Variants in MLLT6 observed in about 807,000 individuals in gnomAD.
MLLT6 encodes the protein protein AF-17.
A neutral mutation model predicts 103.0 loss-of-function variants in MLLT6; 22 were observed. That is an observed-to-expected ratio of 0.21 (90% CI 0.15 to 0.31). The LOEUF (loss-of-function observed/expected upper bound fraction) is 0.31, where lower values mean the gene tolerates loss of function less well. Among genes scored for constraint, MLLT6 ranks in the 10% least tolerant of loss-of-function variants. MLLT6 has a pLI of 1.00. For synonymous variants in MLLT6, 606 were observed against 623.5 expected (o/e 0.97, Z 0.42); for missense variants, 1,199 against 1,441.7 (o/e 0.83, Z 2.73).
In MLLT6 at chr17:38,724,843, C is replaced by G. The variant is rs200705736; in HGVS notation, c.3107C>G (p.Thr1036Arg). ...GTGGCTCCCTCGCTTGGCAACAACA[C>G]AAGTCTCATGGCCGCAGCAGCTGCA... ...ALVAPSLGNNTSLMAAAAAAA... is the reference protein window; with the variant it reads ...ALVAPSLGNNRSLMAAAAAAA... Residue 1036 changes from threonine (T) to arginine (R), a missense_variant, in exon 19 of 20, where the codon ACA (threonine) becomes AGA (arginine). Physicochemically the swap from Thr to Arg is moderately conservative, Grantham distance 71 (BLOSUM62 -1). This residue lies in a region of MLLT6 where 55 missense variants were observed against 93.3 expected (regional missense o/e 0.59). Transcript: ENST00000621332. The surrounding 1 kb of genome is among the most constrained non-coding windows in gnomAD (Gnocchi z 5.4). 9 of 1,587,670 alleles carry G rather than the reference C, an allele frequency of 5.7e-6. No homozygotes were observed. Among genetic ancestry groups the G allele is most frequent in the Admixed American group, 5.3e-5 (3 of 56,484 alleles).
At position 38,728,000 on chromosome 17, in the gene MLLT6, C is replaced by T. The variant is rs184913226; in HGVS notation, c.*2402C>T. On this transcript the variant is annotated 3_prime_UTR_variant, in exon 20 of 20. Coordinates refer to ENST00000621332, the MANE Select transcript of MLLT6 (RefSeq NM_005937.4). ...GTGCATTGAAACCAAGACACCCCAC[C>T]CAGAACACTTCTTCCCTCCCTCAGC... is the stretch of plus-strand genomic sequence containing the variant. 31 of 233,220 alleles carry T rather than the reference C, an allele frequency of 1.3e-4. No individual in the cohort carries two copies. In the East Asian group the frequency reaches 1.9e-3, roughly 14 times the overall value. 14.4% of individuals were successfully genotyped at this position (233,220 alleles called of 1,614,324 possible).
At position 38,724,197 on chromosome 17, in the gene MLLT6, A is replaced by C. The variant is rs1319795794; in HGVS notation, c.2884-423A>C. 1 of 158,102 alleles carries C rather than the reference A, an allele frequency of 6.3e-6. No homozygotes were observed. Among genetic ancestry groups the C allele is most frequent in the Non-Finnish European group, 1.4e-5 (1 of 72,370 alleles). 9.8% of individuals were successfully genotyped at this position (158,102 alleles called of 1,614,324 possible). On this transcript the variant is annotated intron_variant, in intron 18 of 19. Transcript: ENST00000621332. This position sits in a 1 kb window ranked among gnomAD's most constrained non-coding sequence, Gnocchi z 5.4. ...CTTGAACCCAGGAGGTGGAGGTTGC[A>C]GTCAGCCAATATCGCACCACTGTAC...
rs1904843979 is a variant in MLLT6, at chr17:38,705,333, C to CGGGCGAGCGGCGCGGAGG, written c.-291_-274dup. Among the ~76,000 whole-genome samples the CGGGCGAGCGGCGCGGAGG allele has an allele frequency of 7.1e-6, 1 of 140,822 alleles. No individual in the cohort carries two copies. The highest frequency in any genetic ancestry group is 1.6e-5 in the Non-Finnish European group (1 of 63,936). 92.4% of individuals were successfully genotyped at this position (140,822 alleles called of 152,430 possible). ...GCGGCGGCGGGGCGGCCCTAGGAGC[C>CGGGCGAGCGGCGCGGAGG]GGGCGAGCGGCGCGGAGGGGGCGAG... On this transcript the variant is annotated 5_prime_UTR_variant, in exon 1 of 20. Coordinates refer to ENST00000621332, the MANE Select transcript of MLLT6 (RefSeq NM_005937.4).
intron 10 of MLLT6, among the ~76,000 whole-genome samples, 155 bp downstream of exon 10, chr17:38,717,136 TGC>T (rs1905386962): frequency 6.6e-6 from 1 of 152,206 alleles, no homozygotes; most frequent in Non-Finnish European, 1.5e-5. Flanking sequence ...CCCCTCTGCA[TGC>T]GTGGAGTAGA....
Position 38,725,944 on chromosome 17 carries a change from A to G in MLLT6, c.*346A>G, listed in dbSNP as rs1488106490. ...AAGTAGGGGGTTGGTTGGACCTGTC[A>G]CATGAAATGGATCAGCACTTGAATG... On this transcript the variant is annotated 3_prime_UTR_variant, in exon 20 of 20. Coordinates refer to ENST00000621332, the MANE Select transcript of MLLT6 (RefSeq NM_005937.4). The G allele has an allele frequency of 5.8e-6, 2 of 347,078 alleles. No homozygotes were observed. The allele number at this position is 347,078 out of a possible 1,614,324, so 21.5% of individuals were successfully genotyped here.
In MLLT6 at chr17:38,726,370, C is replaced by CGT. The variant is rs1567932676; in HGVS notation, c.*772_*773insGT. 1.4e-5 allele frequency: 3 copies of CGT among 220,104 alleles called. No individual in the cohort carries two copies. Among genetic ancestry groups the CGT allele is most frequent in the African/African-American group, 2.5e-5 (1 of 39,674 alleles). The allele number at this position is 220,104 out of a possible 1,614,324, so 13.6% of individuals were successfully genotyped here. A position where few individuals can be genotyped will look rare whatever the true frequency, so the allele number is the denominator to read the frequency against. On this transcript the variant is annotated 3_prime_UTR_variant, in exon 20 of 20. Coordinates refer to ENST00000621332, the MANE Select transcript of MLLT6 (RefSeq NM_005937.4). ...CAGTGTGTGAGTGTGTGTGTGCGTG[C>CGT]ATGTGTGTGTGTGTGTGTGTGTGTG...
At chr17:38,720,103 T>C in intron 14 of MLLT6, 1 of 778,728 alleles carries the variant, frequency 1.3e-6, no homozygotes, top group Non-Finnish European at 2.0e-6. Flanking sequence ...CTTCGTGGCC[T>C]CCGGGCCCCG....
intron 6 of MLLT6, among the ~76,000 whole-genome samples, chr17:38,710,392 C>T (rs955692455): frequency 2.6e-5 from 4 of 152,168 alleles, no homozygotes; most frequent in Admixed American, 2.6e-4. Flanking sequence ...GATCTACCCC[C>T]GAGCCACAGG....
rs1905995982 is a variant in MLLT6 at position 38,725,794 on chromosome 17, C to A, written c.*196C>A. On this transcript the variant is annotated 3_prime_UTR_variant, in exon 20 of 20. Transcript: ENST00000621332. ...AGGGGAGCCCCCTCCATCTGGCCCC[C>A]TTCCCTTTCCGCACTGTCCGCTTTG... 1 of 546,750 alleles carries A rather than the reference C, an allele frequency of 1.8e-6. No individual in the cohort carries two copies. The highest frequency in any genetic ancestry group is 3.2e-6 in the Non-Finnish European group (1 of 315,376). 33.9% of individuals were successfully genotyped at this position (546,750 alleles called of 1,614,324 possible). A position where few individuals can be genotyped will look rare whatever the true frequency, so the allele number is the denominator to read the frequency against.
intron 18 of MLLT6, among the ~76,000 whole-genome samples, chr17:38,723,856 C>T (rs1905886278): frequency 6.6e-6 from 1 of 151,144 alleles, no homozygotes; most frequent in African/African-American, 2.4e-5. Flanking sequence ...GATTCTCTTG[C>T]CTCAGCCTCC....
In MLLT6 at chr17:38,726,567, C is replaced by T. The variant is rs1906043789; in HGVS notation, c.*969C>T. 4.3e-6 allele frequency: 1 copy of T among 233,662 alleles called. No homozygotes were observed. The highest frequency in any genetic ancestry group is 8.5e-6 in the Non-Finnish European group (1 of 118,108). 14.5% of individuals were successfully genotyped at this position (233,662 alleles called of 1,614,324 possible). A position where few individuals can be genotyped will look rare whatever the true frequency, so the allele number is the denominator to read the frequency against. The stretch of plus-strand genomic sequence containing the variant: ...TCTGGGGGCATGAATGGTTAACAAA[C>T]ACCAGAGCAGTACTCCAATATTGGA... On this transcript the variant is annotated 3_prime_UTR_variant, in exon 20 of 20. Coordinates refer to ENST00000621332, the MANE Select transcript of MLLT6 (RefSeq NM_005937.4).
intron 13 of MLLT6, 62 bp downstream of exon 13, chr17:38,719,645 G>A: frequency 6.4e-7 from 1 of 1,570,056 alleles, no homozygotes; most frequent in Non-Finnish European, 8.7e-7. Context: ...AGGGAGGAGG[G>A]ACGGAGAGAC....
rs1905209805 is a variant in MLLT6, at chr17:38,713,331, A to G, written c.819+542A>G. The G allele has an allele frequency of 4.9e-5, 19 of 388,762 alleles. 1 individual carries two copies. The highest frequency in any genetic ancestry group is 3.6e-4 in the South Asian group (3 of 8,348). The allele number at this position is 388,762 out of a possible 1,614,324, so 24.1% of individuals were successfully genotyped here. On this transcript the variant is annotated intron_variant, in intron 8 of 19. Coordinates refer to ENST00000621332, the MANE Select transcript of MLLT6 (RefSeq NM_005937.4). ...TGGTATGTCAGGCCTGTCTCCAGAAATGGGCAACATCTGGCTGAGCGATAG... is the reference window on the plus strand; with the variant it reads ...TGGTATGTCAGGCCTGTCTCCAGAAGTGGGCAACATCTGGCTGAGCGATAG...
At chr17:38,711,282 G>A (rs1174024407) in intron 6 of MLLT6, among the ~76,000 whole-genome samples, 1 of 152,136 alleles carries the variant, frequency 6.6e-6, no homozygotes, top group Non-Finnish European at 1.5e-5. Context: ...GGGTTGTGTT[G>A]ATGTTTAACT....
At chr17:38,717,323 C>T (rs569912581) in intron 10 of MLLT6, 109 bp from the exon 11 acceptor site, 40 of 898,936 alleles carry the variant, frequency 4.4e-5, no homozygotes, top group African/African-American at 1.5e-4. Flanking sequence ...GGGCATGTAG[C>T]CAGATCCCGG....
In MLLT6 at chr17:38,717,879, C is replaced by G. The variant is rs1214897207; in HGVS notation, c.1868C>G (p.Pro623Arg). Residue 623 changes from proline (P) to arginine (R), a missense_variant, in exon 12 of 20, where the codon CCT becomes CGT. By Grantham distance (103) the Pro-to-Arg change is moderately radical. Transcript: ENST00000621332. ...FSLAGSTFSL[P>R]STHIFGTPMG... is the part of the protein sequence containing the mutation. ...CTGGCTGGCTCTACCTTTAGCCTCC[C>G]TTCTACCCACATCTTTGGAACCCCC... is the stretch of plus-strand genomic sequence containing the variant. 1.9e-6 allele frequency: 3 copies of G among 1,614,088 alleles called. No homozygotes were observed. The highest frequency in any genetic ancestry group is 1.7e-6 in the Non-Finnish European group (2 of 1,179,948).
rs1478308162 is a variant in MLLT6 at position 38,715,605 on chromosome 17, C to T, written c.820-7C>T. 8 of 1,608,384 alleles carry T rather than the reference C, an allele frequency of 5.0e-6. 1 individual carries two copies. The highest frequency in any genetic ancestry group is 2.5e-6 in the Non-Finnish European group (3 of 1,177,472). On this transcript the variant is annotated splice_region_variant and splice_polypyrimidine_tract_variant and intron_variant, in intron 8 of 19. Coordinates refer to ENST00000621332, the MANE Select transcript of MLLT6 (RefSeq NM_005937.4). Reference sequence around the variant, plus strand: ...GGTGTTGAACCTTCCTCTCTCCTCTCCTTCAGGTCTCCTCCTCGGCTTCCT... The same window carrying T: ...GGTGTTGAACCTTCCTCTCTCCTCTTCTTCAGGTCTCCTCCTCGGCTTCCT...
Position 38,706,938 on chromosome 17 carries a change from C to G in MLLT6, c.110-12C>G. Reference sequence around the variant, plus strand: ...GACAGCTTTGCTCAGCGACTGTCCTCCCCACCCTCAGCTTGCTATGGCATC... The same window carrying G: ...GACAGCTTTGCTCAGCGACTGTCCTGCCCACCCTCAGCTTGCTATGGCATC... On this transcript the variant is annotated splice_polypyrimidine_tract_variant and intron_variant, in intron 1 of 19. Transcript: ENST00000621332. 1 of 1,602,706 alleles carries G rather than the reference C, an allele frequency of 6.2e-7. No homozygotes were observed. The highest frequency in any genetic ancestry group is 2.2e-5 in the East Asian group (1 of 44,592).
chr17:38,707,773 C>T lies in MLLT6; in HGVS notation c.255C>T (p.His85=), dbSNP rs551875496. ...LKRTDNGGWA[H]VVCALYIPEV... ...CCCACACTGCCCCAGGCTGGGCACA[C>T]GTGGTGTGTGCCCTCTACATCCCCG... Residue 85 remains histidine, a synonymous_variant, in exon 4 of 20, where the codon CAC becomes CAT. Coordinates refer to ENST00000621332, the MANE Select transcript of MLLT6 (RefSeq NM_005937.4). The T allele has an allele frequency of 1.3e-5, 21 of 1,609,832 alleles. No homozygotes were observed. Among genetic ancestry groups the T allele is most frequent in the African/African-American group, 2.7e-5 (2 of 74,966 alleles).
Sources: gnomAD v4.1 joint callset for allele counts (sites outside exome capture counted in the v4.1 genomes callset) on GRCh38, gnomAD v4.1.1 for gene constraint, gnomAD v4.1.1 regional missense constraint, Gnocchi (gnomAD v3.1) non-coding constraint, MANE v1.5 for transcripts, NCBI Gene and HGNC (gene_info 2026-07-23, HGNC 2026-07-21) for gene names.